The following DLG2 variants were observed in gnomAD, a reference collection of about 807,000 sequenced individuals.
DLG2 encodes the protein discs large MAGUK scaffold protein 2.
In DLG2, 45 loss-of-function variants were observed where a neutral mutation model predicts 132.5. That is an observed-to-expected ratio of 0.34 (90% CI 0.27 to 0.44). The LOEUF (loss-of-function observed/expected upper bound fraction) is 0.44, where lower values mean the gene tolerates loss of function less well. Ranked by LOEUF, DLG2 falls within the 20% of genes least tolerant of loss-of-function variation. The pLI is 1.00. For missense variants in DLG2, 1,045 were observed against 1,196.9 expected (o/e 0.87, Z 1.87); for synonymous variants, 424 against 419.6 (o/e 1.01, Z -0.13).
chr11:83,955,131 G>A (rs896620992), intron 14 of DLG2, among the ~76,000 whole-genome samples: 2 of 152,026 alleles, frequency 1.3e-5, no homozygotes, highest in African/African-American at 4.8e-5. Flanking sequence ...ACTTATTTTT[G>A]CCAAGCACGT....
At chr11:84,968,438 A>G (rs948405158) in intron 6 of DLG2, among the ~76,000 whole-genome samples, 18 of 152,218 alleles carry the variant, frequency 1.2e-4, no homozygotes, top group East Asian at 5.8e-4. Flanking sequence ...TGCAAGGTCA[A>G]TACACCTAAA....
At chr11:84,531,111 G>A (rs187437385) in intron 7 of DLG2, among the ~76,000 whole-genome samples, 9 of 151,850 alleles carry the variant, frequency 5.9e-5, no homozygotes, top group African/African-American at 1.4e-4. Flanking sequence ...GGGAAACTTC[G>A]TTTCAAAAAA....
intron 10 of DLG2, among the ~76,000 whole-genome samples, chr11:84,095,918 T>C (rs1438215072): frequency 6.6e-6 from 1 of 152,134 alleles, no homozygotes; most frequent in African/African-American, 2.4e-5. Context: ...GCCATGGCCC[T>C]GGCTCCAGGA....
intron 6 of DLG2, among the ~76,000 whole-genome samples, chr11:84,692,168 TA>T (rs902906050): frequency 5.9e-5 from 9 of 151,756 alleles, no homozygotes; most frequent in African/African-American, 2.2e-4. Context: ...TGAGCCTACT[TA>T]AAATTCCCCA....
chr11:85,529,925 C>T (rs1052469685), intron 3 of DLG2, among the ~76,000 whole-genome samples: 1 of 151,610 alleles, frequency 6.6e-6, no homozygotes, highest in Non-Finnish European at 1.5e-5. Context: ...TTCTTTAAAC[C>T]AATTTACCAC....
chr11:85,338,374 G>A (rs1429448351), intron 3 of DLG2, among the ~76,000 whole-genome samples: 1 of 152,172 alleles, frequency 6.6e-6, no homozygotes, highest in Non-Finnish European at 1.5e-5. Flanking sequence ...CCAGCTTGCA[G>A]TATTCAATTA....
chr11:85,042,157 T>TG (rs1467241898), intron 6 of DLG2, among the ~76,000 whole-genome samples: 1 of 151,966 alleles, frequency 6.6e-6, no homozygotes. Flanking sequence ...CAAGAGGTGA[T>TG]GTCAAGTAAG....
intron 3 of DLG2, among the ~76,000 whole-genome samples, chr11:85,393,853 G>A (rs969834738): frequency 5.3e-5 from 8 of 152,120 alleles, no homozygotes; most frequent in Non-Finnish European, 7.4e-5. Flanking sequence ...TGGAAGCTGA[G>A]CTATGAGGAT....
At chr11:85,397,367 C>T (rs900190506) in intron 3 of DLG2, among the ~76,000 whole-genome samples, 10 of 152,064 alleles carry the variant, frequency 6.6e-5, no homozygotes, top group African/African-American at 2.4e-4. Flanking sequence ...GAAACTGCAT[C>T]AATTAACGGG....
At chr11:84,673,368 A>C (rs1262229529) in intron 6 of DLG2, among the ~76,000 whole-genome samples, 1 of 151,428 alleles carries the variant, frequency 6.6e-6, no homozygotes, top group Non-Finnish European at 1.5e-5. Flanking sequence ...TAGATTAAGA[A>C]AGATTATAGA....
intron 3 of DLG2, among the ~76,000 whole-genome samples, chr11:85,573,291 C>T (rs982030341): frequency 6.6e-6 from 1 of 152,166 alleles, no homozygotes; most frequent in Non-Finnish European, 1.5e-5. Flanking sequence ...TTCACAATAA[C>T]TCACAAGCTA....
At chr11:85,414,141 T>C (rs1361587890) in intron 3 of DLG2, among the ~76,000 whole-genome samples, 1 of 152,072 alleles carries the variant, frequency 6.6e-6, no homozygotes, top group Non-Finnish European at 1.5e-5. Flanking sequence ...TTCCTAAATA[T>C]TTCACTTTTC....
At chr11:84,582,997 T>G (rs1276787064) in intron 6 of DLG2, among the ~76,000 whole-genome samples, 1 of 152,190 alleles carries the variant, frequency 6.6e-6, no homozygotes, top group African/African-American at 2.4e-5. Flanking sequence ...GTCAATTTCA[T>G]GGTTTTGCTT....
intron 6 of DLG2, among the ~76,000 whole-genome samples, chr11:84,794,111 T>C (rs2074239391): frequency 6.6e-6 from 1 of 152,208 alleles, no homozygotes; most frequent in African/African-American, 2.4e-5. Context: ...AAGTACTATC[T>C]TATAACCCAT....
rs555358459 is a variant in DLG2, at chr11:84,907,494, C to T, written c.357+204167G>A. On this transcript the variant is annotated intron_variant, in intron 6 of 27. Coordinates refer to ENST00000376104, the MANE Select transcript of DLG2 (RefSeq NM_001142699.3). ...CCTAACATGTGCCTGATGCTAAGCCCGCAAAACAAGCACCTTGAATTAAGG... is the reference window on the plus strand; with the variant it reads ...CCTAACATGTGCCTGATGCTAAGCCTGCAAAACAAGCACCTTGAATTAAGG... Among the ~76,000 whole-genome samples, 16 of 152,172 alleles carry T rather than the reference C, an allele frequency of 1.1e-4. No individual in the cohort carries two copies. The South Asian group carries it at 2.3e-3, about 22-fold the overall frequency.
intron 3 of DLG2, among the ~76,000 whole-genome samples, chr11:85,555,687 T>C (rs183379822): frequency 1.3e-5 from 2 of 152,008 alleles, no homozygotes; most frequent in East Asian, 3.9e-4. Context: ...GTCATCACCA[T>C]ACCCAGAGAG....
In DLG2 at chr11:84,837,914, C is replaced by T. The variant is rs560487506; in HGVS notation, c.357+273747G>A. Among the ~76,000 whole-genome samples, 3 of 151,780 alleles carry T rather than the reference C, an allele frequency of 2.0e-5. No homozygotes were observed. In the East Asian group the frequency reaches 5.9e-4, roughly 30 times the overall value. ...GGGAGCTTGTAAGAAATGCAAACTC[C>T]CAGGCCCCACACCAGACTCACCGAA... On this transcript the variant is annotated intron_variant, in intron 6 of 27. Transcript: ENST00000376104.
At chr11:84,130,051 G>T (rs1159525844) in intron 9 of DLG2, among the ~76,000 whole-genome samples, 2 of 151,902 alleles carry the variant, frequency 1.3e-5, no homozygotes, top group Non-Finnish European at 2.9e-5. Flanking sequence ...TGCTCATAAA[G>T]CTATTCCCTA....
At chr11:84,314,541 A>C (rs1301169287) in intron 7 of DLG2, among the ~76,000 whole-genome samples, 1 of 152,142 alleles carries the variant, frequency 6.6e-6, no homozygotes, top group East Asian at 1.9e-4. Flanking sequence ...CTATAAATAT[A>C]CATATATCAG....
Sources: allele counts gnomAD v4.1 joint callset (sites outside exome capture counted in the v4.1 genomes callset), GRCh38; gene constraint gnomAD v4.1.1; transcripts MANE v1.5; gene names NCBI Gene and HGNC (gene_info 2026-07-23, HGNC 2026-07-21).